ZNF516: variants seen among roughly 807,000 people sequenced by gnomAD.
ZNF516 encodes the protein zinc finger protein 516.
In ZNF516, 19 loss-of-function variants were observed where a neutral mutation model predicts 79.7. The ratio of observed to expected loss-of-function variants is 0.24; its 90% CI spans 0.17 to 0.35. The LOEUF is 0.35. ZNF516 is among the 10% of genes least tolerant of loss of function. The pLI is 1.00. For synonymous variants in ZNF516, 877 were observed against 739.5 expected (o/e 1.19, Z -3.02); for missense variants, 1,678 against 1,679.5 (o/e 1.00, Z 0.02).
rs1194634781 is a variant in ZNF516 at position 76,360,825 on chromosome 18, A to G, written c.*1673T>C. The stretch of plus-strand genomic sequence containing the variant: ...TAATAATAATAATAATAATAATATA[A>G]TAATATTCAACAAATCATTAGAACA... On this transcript the variant is annotated 3_prime_UTR_variant, in exon 7 of 7. Transcript: ENST00000443185. 2 of 130,596 alleles carry G rather than the reference A, an allele frequency of 1.5e-5. No individual in the cohort carries two copies. The highest frequency in any genetic ancestry group is 3.0e-5 in the Non-Finnish European group (2 of 66,970). 8.1% of individuals were successfully genotyped at this position (130,596 alleles called of 1,614,324 possible).
intron 3 of ZNF516, among the ~76,000 whole-genome samples, chr18:76,384,368 G>GCTCGCACCCC (rs1568246096): frequency 8.8e-6 from 1 of 113,140 alleles, no homozygotes; most frequent in African/African-American, 3.5e-5. Context: ...CCCCTCCACG[G>GCTCGCACCCC]TTCCGACACC....
intron 1 of ZNF516, among the ~76,000 whole-genome samples, chr18:76,480,267 TCATTAA>T (rs1329541112): frequency 2.6e-5 from 4 of 151,940 alleles, no homozygotes; most frequent in African/African-American, 7.2e-5. Flanking sequence ...AATAAAACTA[TCATTAA>T]CATTAATTTT....
rs960460873 is a variant in ZNF516, at chr18:76,493,386, G to A, written c.-272+1758C>T. ...AAGAGTTGCTCTCTACACCGAAAAG[G>A]GACTTTGACCTTCCATTGATCTCGA... On this transcript the variant is annotated intron_variant, in intron 1 of 6. Transcript: ENST00000443185. This position sits in a 1 kb window ranked among gnomAD's most constrained non-coding sequence, Gnocchi z 5.2. The A allele has an allele frequency of 6.0e-6, 1 of 165,434 alleles. No homozygotes were observed. The highest frequency in any genetic ancestry group is 2.4e-5 in the African/African-American group (1 of 41,608). 10.2% of individuals were successfully genotyped at this position (165,434 alleles called of 1,614,324 possible). A position where few individuals can be genotyped will look rare whatever the true frequency, so the allele number is the denominator to read the frequency against.
At chr18:76,380,802 AC>A (rs57119702) in intron 3 of ZNF516, among the ~76,000 whole-genome samples, 32,563 of 151,052 alleles carry the variant, frequency 0.22, 3,638 homozygotes, top group Middle Eastern at 0.31. Context: ...TGTCCAAAGG[AC>A]CCCCCGTGTC....
At chr18:76,364,050 G>C (rs2074579436) in intron 6 of ZNF516, among the ~76,000 whole-genome samples, 1 of 152,234 alleles carries the variant, frequency 6.6e-6, no homozygotes, top group African/African-American at 2.4e-5. Flanking sequence ...GACTGTTCCA[G>C]AGGCAACAGG....
chr18:76,388,322 A>G (rs2075022136), intron 3 of ZNF516: 1 of 152,376 alleles, frequency 6.6e-6, no homozygotes, highest in Admixed American at 6.5e-5. Context: ...CACAGATAGC[A>G]ACTGCTAAAA....
chr18:76,441,661 T>C lies in ZNF516; in HGVS notation c.1394A>G (p.Lys465Arg). The change falls in exon 3 of 7, where the codon AAG (lysine) becomes AGG (arginine). Residue 465 changes from lysine (K) to arginine (R), a missense_variant. This residue lies in a region of ZNF516 where 1,294 missense variants were observed against 1,248.3 expected (regional missense o/e 1.04). Transcript: ENST00000443185. ...CGCGGCTGGTGCATCCTGCTCACGC[T>C]TGCGCTTCTCCTGGCTCACCAGGAC... ...EYVLVSQEKR[K>R]REQDAPAAQG... 6.5e-7 allele frequency: 1 copy of C among 1,547,968 alleles called. No individual in the cohort carries two copies. Among genetic ancestry groups the C allele is most frequent in the Non-Finnish European group, 8.7e-7 (1 of 1,148,496 alleles).
Position 76,382,343 on chromosome 18 carries a change from G to A in ZNF516, c.1811-2040C>T, listed in dbSNP as rs78730752. 6.3e-3 allele frequency among the ~76,000 whole-genome samples: 966 copies of A among 152,186 alleles called. 11 individuals are homozygous for A. The highest frequency in any genetic ancestry group is 0.022 in the African/African-American group (932 of 41,516). ...AGTCAGAATGGTGCTCAGTACGTTC[G>A]ACTCATTTCTAAATATTCGAAAAAG... On this transcript the variant is annotated intron_variant, in intron 3 of 6. Transcript: ENST00000443185.
intron 2 of ZNF516, among the ~76,000 whole-genome samples, chr18:76,446,335 G>A (rs1203891132): frequency 1.3e-5 from 2 of 152,106 alleles, no homozygotes; most frequent in Non-Finnish European, 2.9e-5. Flanking sequence ...TACCCTGCAG[G>A]TACCCTTCCA....
intron 6 of ZNF516, among the ~76,000 whole-genome samples, chr18:76,367,451 C>T (rs576212301): frequency 6.6e-6 from 1 of 152,342 alleles, no homozygotes; most frequent in East Asian, 1.9e-4. Context: ...GGAAGAAATT[C>T]AGAGTCTCAA....
intron 6 of ZNF516, among the ~76,000 whole-genome samples, chr18:76,369,947 G>A (rs570604211): frequency 1.3e-5 from 2 of 152,262 alleles, no homozygotes; most frequent in African/African-American, 2.4e-5. Flanking sequence ...TCAGAACCGT[G>A]TGCTAGTGCC....
rs1416043905 is a variant in ZNF516, at chr18:76,463,045, T to C, written c.-175A>G. On this transcript the variant is annotated 5_prime_UTR_variant, in exon 2 of 7. Transcript: ENST00000443185. ...GCACCTACCTGGGCTTTCCTGGGAA[T>C]GTGGAAATGCAATGACAACGCTCCC... 6.6e-6 allele frequency: 1 copy of C among 152,180 alleles called. No homozygotes were observed. The highest frequency in any genetic ancestry group is 1.9e-4 in the East Asian group (1 of 5,194). 9.4% of individuals were successfully genotyped at this position (152,180 alleles called of 1,614,324 possible). A position where few individuals can be genotyped will look rare whatever the true frequency, so the allele number is the denominator to read the frequency against.
rs759984454 is a variant in ZNF516, at chr18:76,371,500, C to T, written c.3331G>A (p.Gly1111Ser). The T allele has an allele frequency of 2.5e-6, 4 of 1,609,850 alleles. No homozygotes were observed. The highest frequency in any genetic ancestry group is 2.2e-5 in the East Asian group (1 of 44,848). Residue 1111 changes from glycine (G) to serine (S), a missense_variant, in exon 5 of 7, where the codon GGC (glycine) becomes AGC (serine). By Grantham distance (56) the Gly-to-Ser change is moderately conservative (BLOSUM62 0). Transcript: ENST00000443185. Reference sequence around the variant, plus strand: ...GCCCGCATGTGGGCCCTGAGGTGGCCGGGCTGGTGGAAGCTCTTTCCGCAC... The same window carrying T: ...GCCCGCATGTGGGCCCTGAGGTGGCTGGGCTGGTGGAAGCTCTTTCCGCAC... ...IECGKSFHQP[G>S]HLRAHMRAHS...
intron 1 of ZNF516, chr18:76,490,741 G>A (rs1418419766): frequency 5.1e-6 from 5 of 984,328 alleles, no homozygotes; most frequent in Admixed American, 6.1e-5. Flanking sequence ...TCTGCTGTAT[G>A]TGTAAGTAGG....
chr18:76,483,795 T>C (rs572866743), intron 1 of ZNF516, among the ~76,000 whole-genome samples: 1 of 152,204 alleles, frequency 6.6e-6, no homozygotes, highest in Non-Finnish European at 1.5e-5. Flanking sequence ...AAAACCTGTA[T>C]CCTGGCACCC....
chr18:76,380,327 G>C, intron 3 of ZNF516, 24 bp from the exon 4 acceptor site: 1 of 1,604,808 alleles, frequency 6.2e-7, no homozygotes, highest in Non-Finnish European at 8.5e-7. Context: ...AATATGAAAC[G>C]GGAAGTTACC....
At chr18:76,475,061 T>C (rs1178001356) in intron 1 of ZNF516, among the ~76,000 whole-genome samples, 7 of 152,208 alleles carry the variant, frequency 4.6e-5, no homozygotes, top group East Asian at 3.8e-4. Context: ...AACTCATATA[T>C]AGGCTACCTG....
rs868721467 is a variant in ZNF516, at chr18:76,360,650, T to G, written c.*1848A>C. On this transcript the variant is annotated 3_prime_UTR_variant, in exon 7 of 7. Coordinates refer to ENST00000443185, the MANE Select transcript of ZNF516 (RefSeq NM_014643.4). ...AAATAAGTAAAAAAAAAAAAAAATA[T>G]ATATATATATATATATATATATATA... 2.1e-5 allele frequency: 1 copy of G among 48,202 alleles called. No homozygotes were observed. The highest frequency in any genetic ancestry group is 4.2e-5 in the Non-Finnish European group (1 of 23,882). 3.0% of individuals were successfully genotyped at this position (48,202 alleles called of 1,614,324 possible).
chr18:76,392,051 A>G (rs907556696), intron 3 of ZNF516, among the ~76,000 whole-genome samples: 4 of 152,236 alleles, frequency 2.6e-5, no homozygotes, highest in Admixed American at 2.6e-4. Flanking sequence ...ACACAGCTGA[A>G]GAAGAGCCTC....
Sources: gnomAD v4.1 joint callset for allele counts (sites outside exome capture counted in the v4.1 genomes callset) on GRCh38, gnomAD v4.1.1 for gene constraint, gnomAD v4.1.1 regional missense constraint, Gnocchi (gnomAD v3.1) non-coding constraint, MANE v1.5 for transcripts, NCBI Gene and HGNC (gene_info 2026-07-23, HGNC 2026-07-21) for gene names.